Variants in TMOD2 observed in about 807,000 individuals in gnomAD.
TMOD2 encodes the protein tropomodulin 2.
A neutral mutation model predicts 39.9 loss-of-function variants in TMOD2; 22 were observed. The observed-to-expected ratio is 0.55, with a 90% CI of 0.39 to 0.79. TMOD2 has a LOEUF of 0.79. Ranked by LOEUF, TMOD2 falls within the 30% of genes least tolerant of loss-of-function variation. The pLI, the probability that TMOD2 is intolerant of heterozygous loss-of-function variation, is 0.00. For missense variants in TMOD2, 386 were observed against 413.3 expected (o/e 0.93, Z 0.57); for synonymous variants, 123 against 146.1 (o/e 0.84, Z 1.14).
At chr15:51,757,144 G>A (rs1184532347) in intron 1 of TMOD2, among the ~76,000 whole-genome samples, 1 of 152,234 alleles carries the variant, frequency 6.6e-6, no homozygotes, top group Non-Finnish European at 1.5e-5. Context: ...GCTCACGCCT[G>A]TAATCCCAGC....
At chr15:51,801,285 C>CCCTCTCT (rs2056087918) in intron 8 of TMOD2, among the ~76,000 whole-genome samples, 1 of 83,002 alleles carries the variant, frequency 1.2e-5, no homozygotes, top group African/African-American at 6.0e-5. Context: ...ACACACACAC[C>CCCTCTCT]CTGTCTCTCT....
intron 1 of TMOD2, among the ~76,000 whole-genome samples, chr15:51,764,658 C>T (rs748423328): frequency 4.6e-5 from 7 of 152,272 alleles, no homozygotes; most frequent in Non-Finnish European, 7.4e-5. Flanking sequence ...GTCCCACCCT[C>T]GTCTTTAGTT....
At position 51,811,763 on chromosome 15, in the gene TMOD2, C is replaced by T. The variant is rs2056158184; in HGVS notation, c.*3309C>T. On this transcript the variant is annotated 3_prime_UTR_variant, in exon 10 of 10. Transcript: ENST00000249700. ...GATGCTCTCTCCCCAGTCCTCTTCC[C>T]TTGTCCTTTTTAGAATTGCTGCAGG... 6.6e-6 allele frequency: 1 copy of T among 152,172 alleles called. No individual in the cohort carries two copies. The highest frequency in any genetic ancestry group is 2.4e-5 in the African/African-American group (1 of 41,434). 9.4% of individuals were successfully genotyped at this position (152,172 alleles called of 1,614,324 possible).
chr15:51,792,719 A>T (rs897536409), intron 7 of TMOD2, among the ~76,000 whole-genome samples: 5 of 152,240 alleles, frequency 3.3e-5, no homozygotes, highest in African/African-American at 9.6e-5. Flanking sequence ...TTGCAGGGAC[A>T]TGAATGAAGC....
intron 1 of TMOD2, among the ~76,000 whole-genome samples, chr15:51,764,275 C>T (rs892923604): frequency 2.6e-5 from 4 of 152,078 alleles, no homozygotes; most frequent in African/African-American, 7.2e-5. Context: ...CGAGATGGTA[C>T]CACTGCATTC....
intron 4 of TMOD2, among the ~76,000 whole-genome samples, chr15:51,775,524 CCTT>C (rs2055880707): frequency 6.6e-6 from 1 of 150,656 alleles, no homozygotes; most frequent in East Asian, 1.9e-4. Context: ...GACACCTTCT[CCTT>C]CTCCTGTCCC....
At chr15:51,784,374 G>A (rs1373985326) in intron 7 of TMOD2, 1 of 152,226 alleles carries the variant, frequency 6.6e-6, no homozygotes, top group Non-Finnish European at 1.5e-5. Flanking sequence ...ATGTCTTTTG[G>A]AAGATCTAAA....
At chr15:51,760,463 A>T (rs2055772824) in intron 1 of TMOD2, among the ~76,000 whole-genome samples, 3 of 152,104 alleles carry the variant, frequency 2.0e-5, no homozygotes, top group African/African-American at 7.2e-5. Flanking sequence ...AGTCCTTTGG[A>T]TTACATTGGC....
In TMOD2 at chr15:51,776,998, G is replaced by A. The variant is rs2055893822; in HGVS notation, c.473G>A (p.Gly158Asp). ...KFDEETANNK[G>D]GKGPVRNVVK... ...GATGAAGAAACAGCCAACAATAAAG[G>A]TGGCAAAGGACCTGTCAGAAGTAAG... Residue 158 changes from glycine to aspartate, a missense_variant, in exon 5 of 10, where the codon GGT becomes GAT. By Grantham distance (94) the Gly-to-Asp change is moderately conservative (BLOSUM62 -1). Transcript: ENST00000249700. 1 of 1,613,758 alleles carries A rather than the reference G, an allele frequency of 6.2e-7. No homozygotes were observed. Among genetic ancestry groups the A allele is most frequent in the Admixed American group, 1.7e-5 (1 of 60,004 alleles).
intron 2 of TMOD2, 47 bp from the exon 3 acceptor site, chr15:51,768,215 C>T (rs1269727686): frequency 6.2e-7 from 1 of 1,610,712 alleles, no homozygotes; most frequent in East Asian, 2.2e-5. Flanking sequence ...TAGCAAAGTA[C>T]AGGCCGGCAG....
chr15:51,759,859 A>G (rs2055768562), intron 1 of TMOD2, among the ~76,000 whole-genome samples: 1 of 152,222 alleles, frequency 6.6e-6, no homozygotes, highest in Non-Finnish European at 1.5e-5. Context: ...CCAGCTGCAC[A>G]AGGAACCCTT....
At chr15:51,755,062 A>G (rs1180702992) in intron 1 of TMOD2, among the ~76,000 whole-genome samples, 1 of 152,202 alleles carries the variant, frequency 6.6e-6, no homozygotes, top group African/African-American at 2.4e-5. Context: ...ACCCCAGTCT[A>G]CTTTTTCATC....
At chr15:51,767,676 A>G (rs562430244) in intron 2 of TMOD2, among the ~76,000 whole-genome samples, 71 of 152,296 alleles carry the variant, frequency 4.7e-4, no homozygotes, top group Middle Eastern at 3.4e-3. Context: ...TGATTTTACC[A>G]TAAATAAAAA....
rs541032761 is a variant in TMOD2, at chr15:51,784,187, A to C, written c.732+1359A>C. ...TCTGGTTCTACAGCCAGGAAGCTTA[A>C]CCATCAAGCTATGCTAGATTTACAC... On this transcript the variant is annotated intron_variant, in intron 7 of 9. Transcript: ENST00000249700. 2.6e-5 allele frequency: 4 copies of C among 152,368 alleles called. No individual in the cohort carries two copies. The South Asian group carries it at 8.3e-4, about 32-fold the overall frequency. 9.4% of individuals were successfully genotyped at this position (152,368 alleles called of 1,614,324 possible).
intron 1 of TMOD2, among the ~76,000 whole-genome samples, chr15:51,762,998 C>T (rs1567235297): frequency 6.6e-6 from 1 of 151,852 alleles, no homozygotes. Flanking sequence ...TGCAGTGGTG[C>T]AATCATAGCT....
At position 51,768,286 on chromosome 15, in the gene TMOD2, C is replaced by T. The variant is rs138650269; in HGVS notation, c.151C>T (p.Arg51Ter). ...GAGTGCCATGCTGCCAGCTGGATTT[C>T]GACAGAAAGACCAGACACAGAAGGC... ...PESAMLPAGFRQKDQTQKAAT... is the reference protein window; with the variant it reads ...PESAMLPAGF Residue 51 changes from arginine (R) to a stop codon, truncating the protein, a stop_gained, in exon 3 of 10, where the codon CGA becomes TGA. Coordinates refer to ENST00000249700, the MANE Select transcript of TMOD2 (RefSeq NM_014548.4). LOFTEE classifies it high-confidence loss of function. 4.3e-6 allele frequency: 7 copies of T among 1,614,002 alleles called. No individual in the cohort carries two copies. Among genetic ancestry groups the T allele is most frequent in the East Asian group, 2.2e-5 (1 of 44,888 alleles).
In TMOD2 at chr15:51,808,700, G is replaced by C. The variant is rs1416494033; in HGVS notation, c.*246G>C. On this transcript the variant is annotated 3_prime_UTR_variant, in exon 10 of 10. Coordinates refer to ENST00000249700, the MANE Select transcript of TMOD2 (RefSeq NM_014548.4). ...CAAATGGACCGATGCAGATTTTAGA[G>C]AGTGACGACATGGAAAATGAATTTA... 1.9e-5 allele frequency: 7 copies of C among 362,514 alleles called. No individual in the cohort carries two copies. The highest frequency in any genetic ancestry group is 3.5e-5 in the Non-Finnish European group (7 of 201,472). 22.5% of individuals were successfully genotyped at this position (362,514 alleles called of 1,614,324 possible). A position where few individuals can be genotyped will look rare whatever the true frequency, so the allele number is the denominator to read the frequency against.
intron 1 of TMOD2, among the ~76,000 whole-genome samples, chr15:51,759,455 T>C (rs2055764349): frequency 6.6e-6 from 1 of 152,114 alleles, no homozygotes; most frequent in Non-Finnish European, 1.5e-5. Flanking sequence ...AGAGAATATG[T>C]AGTATGGAAA....
At position 51,768,433 on chromosome 15, in the gene TMOD2, C is replaced by T. The variant is rs750735532; in HGVS notation, c.283+15C>T. On this transcript the variant is annotated intron_variant, in intron 3 of 9. Transcript: ENST00000249700. The stretch of plus-strand genomic sequence containing the variant: ...AGAAAAGAAAGGTAAGGACCACAGG[C>T]AGAGCATCTTGGAACAGAGGTTCTC... 1.9e-6 allele frequency: 3 copies of T among 1,607,464 alleles called. No homozygotes were observed. In the South Asian group the frequency reaches 3.3e-5, roughly 18 times the overall value.
Sources: gnomAD v4.1 joint callset for allele counts (sites outside exome capture counted in the v4.1 genomes callset) on GRCh38, gnomAD v4.1.1 for gene constraint, MANE v1.5 for transcripts, NCBI Gene and HGNC (gene_info 2026-07-23, HGNC 2026-07-21) for gene names.